The following PGBD5 variants were observed in gnomAD, a reference collection of about 807,000 sequenced individuals.
PGBD5 encodes piggyBac transposable element derived 5, also known as piggyBac transposable element-derived protein 5.
A neutral mutation model predicts 47.9 loss-of-function variants in PGBD5; 14 were observed. The observed-to-expected ratio is 0.29, with a 90% CI of 0.19 to 0.46. The LOEUF (loss-of-function observed/expected upper bound fraction) is 0.46. Ranked by LOEUF, PGBD5 falls within the 20% of genes least tolerant of loss-of-function variation. The pLI is 1.00. For missense variants in PGBD5, 635 were observed against 716.0 expected, an observed-to-expected ratio of 0.89 and a Z score of 1.29; for synonymous variants, 316 against 306.3, an observed-to-expected ratio of 1.03 and a Z score of -0.33.
intron 1 of PGBD5, among the ~76,000 whole-genome samples, chr1:230,407,783 T>C (rs1322457910): frequency 2.0e-5 from 3 of 152,168 alleles, no homozygotes; most frequent in Non-Finnish European, 2.9e-5. Flanking sequence ...CTCAAGCGAT[T>C]ATGAGAGGAA....
At chr1:230,394,846 ACTCCCTCCCTCCTCTCATGCTCCTC>A (rs1656885676) in intron 1 of PGBD5, among the ~76,000 whole-genome samples, 2 of 59,084 alleles carry the variant, frequency 3.4e-5, no homozygotes, top group African/African-American at 7.2e-5. Context: ...CTCCTCTCTC[ACTCCCTCCCTCCTCTCATGCTCCTC>A]CCCCCTCTCC....
At chr1:230,402,915 GGTTT>G (rs1175442894) in intron 1 of PGBD5, among the ~76,000 whole-genome samples, 2 of 152,214 alleles carry the variant, frequency 1.3e-5, no homozygotes, top group African/African-American at 4.8e-5. Context: ...TCCAGAATGA[GGTTT>G]GTTAGGGAGA....
intron 5 of PGBD5, 105 bp from the exon 6 acceptor site, chr1:230,325,520 T>C: frequency 1.3e-6 from 1 of 761,754 alleles, no homozygotes; most frequent in Non-Finnish European, 2.2e-6. Context: ...AACTTAATAA[T>C]GAGCAGAGGA....
intron 1 of PGBD5, among the ~76,000 whole-genome samples, chr1:230,389,738 A>C (rs957124611): frequency 6.6e-6 from 1 of 152,260 alleles, no homozygotes; most frequent in Non-Finnish European, 1.5e-5. Flanking sequence ...TGAAAAATCC[A>C]ATTAGTAAAT....
chr1:230,332,603 A>G lies in PGBD5; in HGVS notation c.1273+241T>C, dbSNP rs373928882. ...GCTTGAGCCACCTGCAAACCCCGTC[A>G]GCATGCACCGCTCAAAAGCTTACAA... On this transcript the variant is annotated intron_variant, in intron 5 of 6. Transcript: ENST00000391860. Among the ~76,000 whole-genome samples, 40 of 152,320 alleles carry G rather than the reference A, an allele frequency of 2.6e-4. 1 individual carries two copies. In the South Asian group the frequency reaches 7.9e-3, roughly 30 times the overall value.
intron 1 of PGBD5, among the ~76,000 whole-genome samples, chr1:230,402,587 A>G (rs1200502981): frequency 6.6e-6 from 1 of 152,138 alleles, no homozygotes; most frequent in Non-Finnish European, 1.5e-5. Context: ...CCAAGTAGGT[A>G]GGACTACAGG....
intron 1 of PGBD5, among the ~76,000 whole-genome samples, chr1:230,419,102 G>A (rs1005778006): frequency 2.0e-5 from 3 of 152,142 alleles, no homozygotes; most frequent in African/African-American, 7.2e-5. Flanking sequence ...AAAGACACAT[G>A]CACCCATATG....
intron 1 of PGBD5, among the ~76,000 whole-genome samples, chr1:230,374,129 A>C (rs1420729284): frequency 1.3e-5 from 2 of 152,228 alleles, no homozygotes; most frequent in African/African-American, 4.8e-5. Context: ...GAATATAAAA[A>C]AACTTTTGGC....
intron 1 of PGBD5, among the ~76,000 whole-genome samples, chr1:230,358,944 C>A (rs1324876812): frequency 1.3e-5 from 2 of 152,170 alleles, no homozygotes; most frequent in East Asian, 3.8e-4. Flanking sequence ...TGTGTGTGTA[C>A]ACACATATAT....
At chr1:230,369,114 G>A (rs1248837519) in intron 1 of PGBD5, among the ~76,000 whole-genome samples, 1 of 152,246 alleles carries the variant, frequency 6.6e-6, no homozygotes, top group Non-Finnish European at 1.5e-5. Context: ...CCAGAAGACT[G>A]CAAGGCCCCA....
intron 1 of PGBD5, among the ~76,000 whole-genome samples, chr1:230,369,437 C>T (rs1019261360): frequency 2.6e-5 from 4 of 152,248 alleles, no homozygotes; most frequent in African/African-American, 9.6e-5. Flanking sequence ...GGGCAGCTTG[C>T]TCTGCCTGGC....
chr1:230,328,813 G>C (rs888728204), intron 5 of PGBD5, among the ~76,000 whole-genome samples: 2 of 152,194 alleles, frequency 1.3e-5, no homozygotes, highest in Non-Finnish European at 2.9e-5. Context: ...TAGTCTTAGT[G>C]AATGTGAATC....
chr1:230,377,352 G>T (rs1668029023), intron 1 of PGBD5: 9 of 876,844 alleles, frequency 1.0e-5, no homozygotes, highest in South Asian at 9.5e-5. Flanking sequence ...AGAAGCAATG[G>T]CCATCCAGGT....
Position 230,320,968 on chromosome 1 carries a change from C to T in PGBD5, c.*2457G>A, listed in dbSNP as rs1031242365. The T allele has an allele frequency of 8.5e-5, 13 of 152,180 alleles. No individual in the cohort carries two copies. Among genetic ancestry groups the T allele is most frequent in the African/African-American group, 2.9e-4 (12 of 41,414 alleles). 9.4% of individuals were successfully genotyped at this position (152,180 alleles called of 1,614,324 possible). A position where few individuals can be genotyped will look rare whatever the true frequency, so the allele number is the denominator to read the frequency against. ...CATGTATCAGACAACAGGTGGCTGC[C>T]ATTTTAGAAACAGAGTGTTACAATG... On this transcript the variant is annotated 3_prime_UTR_variant, in exon 7 of 7. Transcript: ENST00000391860.
chr1:230,360,878 G>A (rs528264594), intron 1 of PGBD5, among the ~76,000 whole-genome samples: 4 of 152,310 alleles, frequency 2.6e-5, no homozygotes, highest in South Asian at 4.1e-4. Context: ...ATCCGTTTAT[G>A]AGAGCTTCCC....
chr1:230,393,336 T>G (rs927984935), intron 1 of PGBD5, among the ~76,000 whole-genome samples: 1 of 149,926 alleles, frequency 6.7e-6, no homozygotes. Context: ...TCAGGGCCAG[T>G]GCAGCCACTG....
At chr1:230,340,078 T>C (rs951945483) in intron 3 of PGBD5, among the ~76,000 whole-genome samples, 9 of 152,280 alleles carry the variant, frequency 5.9e-5, no homozygotes, top group African/African-American at 1.9e-4. Flanking sequence ...TATTTCAAAA[T>C]ATGTTGTACA....
intron 1 of PGBD5, among the ~76,000 whole-genome samples, chr1:230,382,936 G>A (rs959056705): frequency 1.3e-5 from 2 of 152,148 alleles, no homozygotes; most frequent in Admixed American, 6.6e-5. Flanking sequence ...TAAGGATGCA[G>A]GCTCTCTATT....
At chr1:230,402,362 T>G (rs542208958) in intron 1 of PGBD5, among the ~76,000 whole-genome samples, 8 of 152,222 alleles carry the variant, frequency 5.3e-5, no homozygotes, top group Non-Finnish European at 8.8e-5. Context: ...CTTCTCCAGA[T>G]AGAAAGTGAG....
Sources: allele counts gnomAD v4.1 joint callset (sites outside exome capture counted in the v4.1 genomes callset), GRCh38; gene constraint gnomAD v4.1.1; transcripts MANE v1.5; gene names NCBI Gene and HGNC (gene_info 2026-07-23, HGNC 2026-07-21).